Variants in SLC7A2 observed in about 807,000 individuals in gnomAD.
The protein encoded by SLC7A2 is solute carrier family 7 member 2, also known as cationic amino acid transporter 2.
In SLC7A2, 48 loss-of-function variants were observed where a neutral mutation model predicts 58.9. That is an observed-to-expected ratio of 0.82 (90% CI 0.65 to 1.04). SLC7A2 has a LOEUF of 1.04. SLC7A2 is among the 50% of genes least tolerant of loss of function. The pLI is 0.00. For missense variants in SLC7A2, 1,029 were observed against 818.8 expected (o/e 1.26, Z -3.13); for synonymous variants, 363 against 314.5 (o/e 1.15, Z -1.63).
rs529193019 is a variant in SLC7A2 at position 17,569,826 on chromosome 8, C to G, written c.*4680C>G. ...ATCGCTGGGTCTTAAAGAGCTTTCC[C>G]TAGCCACTGACAGCCCCGTGGAGAT... On this transcript the variant is annotated 3_prime_UTR_variant, in exon 13 of 13. Coordinates refer to ENST00000494857, the MANE Select transcript of SLC7A2 (RefSeq NM_001370338.1). 6.6e-6 allele frequency: 1 copy of G among 152,256 alleles called. No homozygotes were observed. Among genetic ancestry groups the G allele is most frequent in the East Asian group, 1.9e-4 (1 of 5,166 alleles). 9.4% of individuals were successfully genotyped at this position (152,256 alleles called of 1,614,324 possible). A position where few individuals can be genotyped will look rare whatever the true frequency, so the allele number is the denominator to read the frequency against.
At position 17,560,543 on chromosome 8, in the gene SLC7A2, C is replaced by T. The variant is rs766993602; in HGVS notation, c.1504+10C>T. The T allele has an allele frequency of 6.2e-7, 1 of 1,605,562 alleles. No individual in the cohort carries two copies. The highest frequency in any genetic ancestry group is 8.5e-7 in the Non-Finnish European group (1 of 1,172,524). On this transcript the variant is annotated intron_variant, in intron 10 of 12. Transcript: ENST00000494857. ...CTGGTAGGATTCCTAGGTAAGTCTT[C>T]TTCTCTGCTTACATTGTACAGACCC...
rs776945849 is a variant in SLC7A2, at chr8:17,558,375, G to A, written c.1276G>A (p.Ala426Thr). 6 of 1,612,722 alleles carry A rather than the reference G, an allele frequency of 3.7e-6. No individual in the cohort carries two copies. The South Asian group carries it at 5.5e-5, about 15-fold the overall frequency. ...CACACTCATGGCCTACTCTCTGGTG[G>A]CAGCCTGTGTTCTCATCCTCAGGTG... ...IGTLMAYSLV[A>T]ACVLILRYQP... The change falls in exon 9 of 13, where the codon GCA becomes ACA. Residue 426 changes from alanine to threonine, a missense_variant. Ala to Thr is a moderately conservative substitution (Grantham distance 58). Transcript: ENST00000494857.
chr8:17,526,208 C>A (rs891105205), intron 2 of SLC7A2, among the ~76,000 whole-genome samples: 12 of 152,030 alleles, frequency 7.9e-5, no homozygotes, highest in African/African-American at 2.9e-4. Context: ...ATTGTAGCTG[C>A]CATGGGAATT....
intron 2 of SLC7A2, among the ~76,000 whole-genome samples, chr8:17,541,269 C>A (rs1339040040): frequency 6.6e-6 from 1 of 152,126 alleles, no homozygotes; most frequent in Non-Finnish European, 1.5e-5. Flanking sequence ...AAGCAGAACA[C>A]TTATCTTCTA....
intron 2 of SLC7A2, among the ~76,000 whole-genome samples, chr8:17,513,561 A>C (rs1800687522): frequency 6.6e-6 from 1 of 152,222 alleles, no homozygotes; most frequent in Non-Finnish European, 1.5e-5. Context: ...AGCTTATCAC[A>C]GGATCTCCAT....
intron 10 of SLC7A2, among the ~76,000 whole-genome samples, chr8:17,561,302 C>G (rs1802970741): frequency 6.6e-6 from 1 of 152,096 alleles, no homozygotes; most frequent in Non-Finnish European, 1.5e-5. Context: ...GGAGGCCTCA[C>G]AGTCATGGTG....
chr8:17,558,985 A>G (rs1418047001), intron 9 of SLC7A2, among the ~76,000 whole-genome samples: 1 of 152,212 alleles, frequency 6.6e-6, no homozygotes, highest in African/African-American at 2.4e-5. Flanking sequence ...CGATATAGAC[A>G]TTATATGCCT....
rs758241475 is a variant in SLC7A2 at position 17,538,853 on chromosome 8, C to G, written c.-22-4465C>G. 18 of 1,613,228 alleles carry G rather than the reference C, an allele frequency of 1.1e-5. No individual in the cohort carries two copies. The Admixed American group carries it at 2.2e-4, about 19-fold the overall frequency. ...AAGATAGAAACAAGTGGTTATAACT[C>G]AGACAAACTAATTTGTCGAGGGTTT... On this transcript the variant is annotated intron_variant, in intron 2 of 12. Coordinates refer to ENST00000494857, the MANE Select transcript of SLC7A2 (RefSeq NM_001370338.1).
rs769481523 is a variant in SLC7A2, at chr8:17,558,396, A to G, written c.1297A>G (p.Arg433Gly). ...SLVAACVLIL[R>G]YQPGLSYDQP... Reference sequence around the variant, plus strand: ...GGTGGCAGCCTGTGTTCTCATCCTCAGGTGAGTCACCTGGTGGTTCTACAG... The same window carrying G: ...GGTGGCAGCCTGTGTTCTCATCCTCGGGTGAGTCACCTGGTGGTTCTACAG... The change falls in exon 9 of 13, where the codon AGG (arginine) becomes GGG (glycine). Residue 433 changes from arginine to glycine, a missense_variant and splice_region_variant. Transcript: ENST00000494857. 125 of 1,601,504 alleles carry G rather than the reference A, an allele frequency of 7.8e-5. No homozygotes were observed. Among genetic ancestry groups the G allele is most frequent in the South Asian group, 1.7e-4 (15 of 90,384 alleles).
At chr8:17,536,253 G>T (rs1354293347) in intron 2 of SLC7A2, among the ~76,000 whole-genome samples, 3 of 152,218 alleles carry the variant, frequency 2.0e-5, no homozygotes, top group South Asian at 2.1e-4. Flanking sequence ...CAGATTGGTT[G>T]TATGTATGTC....
chr8:17,562,180 A>ATTTTTTTTTTT lies in SLC7A2; in HGVS notation c.1671+95_1671+105dup, dbSNP rs200130071. The ATTTTTTTTTTT allele has an allele frequency of 1.3e-4, 80 of 594,306 alleles. 3 individuals carry two copies. Among genetic ancestry groups the ATTTTTTTTTTT allele is most frequent in the African/African-American group, 7.7e-4 (21 of 27,102 alleles). The allele number at this position is 594,306 out of a possible 1,614,324, so 36.8% of individuals were successfully genotyped here. On this transcript the variant is annotated intron_variant, in intron 11 of 12. Coordinates refer to ENST00000494857, the MANE Select transcript of SLC7A2 (RefSeq NM_001370338.1). ...TCTCTGTATAATTAGTTTGGTAAGTATTTTTTTTTTTTTTTTTTTTTTTTT... is the reference window on the plus strand; with the variant it reads ...TCTCTGTATAATTAGTTTGGTAAGTATTTTTTTTTTTTTTTTTTTTTTTTTTTTTTTTTTTT...
intron 7 of SLC7A2, among the ~76,000 whole-genome samples, chr8:17,553,328 G>A (rs1183232140): frequency 6.6e-6 from 1 of 152,158 alleles, no homozygotes; most frequent in African/African-American, 2.4e-5. Flanking sequence ...TGGGATTACA[G>A]GCATGAGCCA....
intron 2 of SLC7A2, among the ~76,000 whole-genome samples, chr8:17,503,607 A>G (rs551840098): frequency 1.6e-3 from 248 of 151,438 alleles, no homozygotes; most frequent in Non-Finnish European, 3.2e-3. Context: ...CTTATTATTC[A>G]TACGCGGCGC....
intron 2 of SLC7A2, among the ~76,000 whole-genome samples, chr8:17,510,048 C>T (rs1196423443): frequency 1.3e-5 from 2 of 151,948 alleles, no homozygotes; most frequent in Non-Finnish European, 2.9e-5. Flanking sequence ...GATGAAACCA[C>T]GTCTCTACTA....
At chr8:17,525,310 C>G (rs1422364359) in intron 2 of SLC7A2, among the ~76,000 whole-genome samples, 1 of 152,120 alleles carries the variant, frequency 6.6e-6, no homozygotes, top group African/African-American at 2.4e-5. Context: ...ATTTGCTTGC[C>G]TGTCATAACC....
At chr8:17,527,193 A>T (rs1585210975) in intron 2 of SLC7A2, among the ~76,000 whole-genome samples, 1 of 152,354 alleles carries the variant, frequency 6.6e-6, no homozygotes, top group South Asian at 2.1e-4. Flanking sequence ...TATGAAACTT[A>T]AAATGCTGAA....
At chr8:17,536,911 G>A (rs904409128) in intron 2 of SLC7A2, among the ~76,000 whole-genome samples, 2 of 152,122 alleles carry the variant, frequency 1.3e-5, no homozygotes, top group African/African-American at 4.8e-5. Flanking sequence ...ACCATGTCGG[G>A]GAATCTTGCA....
chr8:17,512,867 T>C (rs1228901833), intron 2 of SLC7A2, among the ~76,000 whole-genome samples: 1 of 152,218 alleles, frequency 6.6e-6, no homozygotes, highest in African/African-American at 2.4e-5. Flanking sequence ...AGGAACTTTA[T>C]ACATGTGGAA....
chr8:17,555,146 CT>C, intron 8 of SLC7A2: 1 of 1,505,536 alleles, frequency 6.6e-7, no homozygotes, highest in Non-Finnish European at 9.1e-7. Flanking sequence ...CATGCATGGA[CT>C]TATAAAGAGG....
Sources: gnomAD v4.1 joint callset for allele counts (sites outside exome capture counted in the v4.1 genomes callset) on GRCh38, gnomAD v4.1.1 for gene constraint, MANE v1.5 for transcripts, NCBI Gene and HGNC (gene_info 2026-07-23, HGNC 2026-07-21) for gene names.